LNX1: variants seen among roughly 807,000 people sequenced by gnomAD.
LNX1 encodes the protein ligand of numb-protein X 1, also known as E3 ubiquitin-protein ligase LNX.
A neutral mutation model predicts 68.4 loss-of-function variants in LNX1; 54 were observed. That is an observed-to-expected ratio of 0.79 (90% confidence interval 0.63 to 0.99). The LOEUF is 0.99. LNX1 is among the 50% of genes least tolerant of loss of function. LNX1 has a pLI of 0.00. For missense variants in LNX1, 906 were observed against 926.4 expected (o/e 0.98, Z 0.29); for synonymous variants, 336 against 350.0 (o/e 0.96, Z 0.45).
chr4:53,465,678 T>C (rs1722625561), intron 9 of LNX1, among the ~76,000 whole-genome samples: 1 of 152,252 alleles, frequency 6.6e-6, no homozygotes, highest in Non-Finnish European at 1.5e-5. Context: ...TTTTTAAAAA[T>C]TCTGATACAT....
chr4:53,523,731 C>A (rs1287651766), intron 2 of LNX1, among the ~76,000 whole-genome samples: 2 of 152,164 alleles, frequency 1.3e-5, no homozygotes, highest in African/African-American at 4.8e-5. Context: ...TGAAGACAGA[C>A]CCAGATGCAT....
At chr4:53,488,051 G>T (rs528315894) in intron 6 of LNX1, among the ~76,000 whole-genome samples, 27 of 152,182 alleles carry the variant, frequency 1.8e-4, no homozygotes, top group Non-Finnish European at 3.4e-4. Flanking sequence ...CATAAAATTA[G>T]AAAGTCACAG....
intron 6 of LNX1, among the ~76,000 whole-genome samples, chr4:53,487,954 A>G (rs1201816544): frequency 6.6e-6 from 1 of 152,162 alleles, no homozygotes; most frequent in Non-Finnish European, 1.5e-5. Context: ...CCATTTTAGA[A>G]TCCCTTCCAG....
chr4:53,603,813 A>G (rs1733117427), intron 2 of LNX1: 1 of 152,220 alleles, frequency 6.6e-6, no homozygotes, highest in African/African-American at 2.4e-5. Flanking sequence ...ACATTTCAAC[A>G]TGAGATTTGG....
intron 2 of LNX1, among the ~76,000 whole-genome samples, chr4:53,514,346 A>G (rs13109280): frequency 0.67 from 101,937 of 152,136 alleles, 34,235 homozygotes; most frequent in South Asian, 0.82. Flanking sequence ...TACACTGCCA[A>G]TAAAGACATA....
At chr4:53,621,757 C>A (rs1733887667), upstream of LNX1, among the ~76,000 whole-genome samples, 1 of 152,164 alleles carries the variant, frequency 6.6e-6, no homozygotes, top group South Asian at 2.1e-4. Context: ...GTTTTGGCTT[C>A]TCAGACCCCA....
At chr4:53,537,384 C>T (rs543913068) in intron 2 of LNX1, among the ~76,000 whole-genome samples, 1 of 152,254 alleles carries the variant, frequency 6.6e-6, no homozygotes, top group Non-Finnish European at 1.5e-5. Context: ...TTCTAGTCTT[C>T]CCTCTGTCTA....
Position 53,478,657 on chromosome 4 carries a change from C to T in LNX1, c.1571G>A (p.Gly524Glu), listed in dbSNP as rs750425165. The change falls in exon 8 of 11, where the codon GGG (glycine) becomes GAG (glutamate). Residue 524 changes from glycine (G) to glutamate (E), a missense_variant. Gly to Glu is a moderately conservative substitution (Grantham distance 98). Coordinates refer to ENST00000263925, the MANE Select transcript of LNX1 (RefSeq NM_001126328.3). The part of the protein sequence containing the change: ...PGESLGMTVA[G>E]GASHREWDLP... Reference sequence around the variant, plus strand: ...ATCCCATTCTCTATGTGATGCTCCCCCTGCGACGGTCATGCCGAGAGATTC... The same window carrying T: ...ATCCCATTCTCTATGTGATGCTCCCTCTGCGACGGTCATGCCGAGAGATTC... The T allele has an allele frequency of 3.5e-5, 56 of 1,613,930 alleles. No individual in the cohort carries two copies. Among genetic ancestry groups the T allele is most frequent in the Non-Finnish European group, 4.7e-5 (55 of 1,179,988 alleles).
intron 1 of LNX1, among the ~76,000 whole-genome samples, chr4:53,586,377 C>A (rs1026781414): frequency 3.3e-5 from 5 of 152,188 alleles, no homozygotes; most frequent in African/African-American, 1.2e-4. Context: ...CATATTTAGA[C>A]CTCCCCATCA....
chr4:53,651,244 C>T (rs1309040808), intron 1 of LNX1, among the ~76,000 whole-genome samples: 1 of 152,206 alleles, frequency 6.6e-6, no homozygotes, highest in Non-Finnish European at 1.5e-5. Flanking sequence ...TCCAAGTCCA[C>T]ACTTTATGTT....
chr4:53,565,858 C>A (rs1161669227), intron 2 of LNX1, among the ~76,000 whole-genome samples: 6 of 152,002 alleles, frequency 3.9e-5, no homozygotes, highest in Non-Finnish European at 4.4e-5. Context: ...AATGCAGAAG[C>A]CTCAGGAGCC....
intron 9 of LNX1, 55 bp from the exon 10 acceptor site, chr4:53,461,648 A>T: frequency 1.5e-6 from 2 of 1,355,940 alleles, no homozygotes; most frequent in Non-Finnish European, 2.1e-6. Context: ...AGTTAAGGGA[A>T]TACTTACTGT....
At chr4:53,463,493 T>C (rs1272696721) in intron 9 of LNX1, among the ~76,000 whole-genome samples, 1 of 152,108 alleles carries the variant, frequency 6.6e-6, no homozygotes, top group Non-Finnish European at 1.5e-5. Flanking sequence ...GGCATTTTTT[T>C]CTTAAGTTGG....
At chr4:53,523,570 AG>A (rs1333634677) in intron 2 of LNX1, among the ~76,000 whole-genome samples, 1 of 152,226 alleles carries the variant, frequency 6.6e-6, no homozygotes, top group Non-Finnish European at 1.5e-5. Flanking sequence ...TACATGCGTA[AG>A]CCACAGCACC....
chr4:53,480,827 G>A (rs1291211591), intron 7 of LNX1, among the ~76,000 whole-genome samples: 1 of 152,132 alleles, frequency 6.6e-6, no homozygotes, highest in African/African-American at 2.4e-5. Flanking sequence ...CATATAGATT[G>A]ACGTAGAAAG....
At chr4:53,482,446 G>A (rs1029336687) in intron 6 of LNX1, among the ~76,000 whole-genome samples, 5 of 152,070 alleles carry the variant, frequency 3.3e-5, no homozygotes, top group Non-Finnish European at 7.4e-5. Flanking sequence ...CAAAGACATG[G>A]AATCAACTTA....
intron 2 of LNX1, among the ~76,000 whole-genome samples, chr4:53,538,383 T>C (rs576550103): frequency 1.8e-4 from 27 of 152,274 alleles, no homozygotes; most frequent in African/African-American, 6.3e-4. Flanking sequence ...CAGCTTTCCC[T>C]GTGAAGTTCT....
intron 2 of LNX1, among the ~76,000 whole-genome samples, chr4:53,522,545 G>A (rs1254937948): frequency 6.6e-6 from 1 of 152,174 alleles, no homozygotes; most frequent in African/African-American, 2.4e-5. Context: ...CATGGATGTT[G>A]GTTGAGCCTG....
chr4:53,646,456 C>T (rs1734884796), intron 1 of LNX1, among the ~76,000 whole-genome samples: 1 of 152,194 alleles, frequency 6.6e-6, no homozygotes, highest in Non-Finnish European at 1.5e-5. Context: ...AATTATCTTA[C>T]TTATCTGTCT....
Sources: allele counts gnomAD v4.1 joint callset (sites outside exome capture counted in the v4.1 genomes callset), GRCh38; gene constraint gnomAD v4.1.1; transcripts MANE v1.5; gene names NCBI Gene and HGNC (gene_info 2026-07-23, HGNC 2026-07-21).